CNTFR: variants seen among roughly 807,000 people sequenced by gnomAD.
CNTFR encodes ciliary neurotrophic factor receptor.
In CNTFR, 12 loss-of-function variants were observed where a neutral mutation model predicts 40.4. The observed-to-expected ratio is 0.30, with a 90% confidence interval of 0.19 to 0.48. The LOEUF (loss-of-function observed/expected upper bound fraction) is 0.48. CNTFR is among the 20% of genes least tolerant of loss of function. CNTFR has a pLI of 0.99. For synonymous variants in CNTFR, 202 were observed against 209.6 expected (o/e 0.96, Z 0.31); for missense variants, 414 against 506.8 (o/e 0.82, Z 1.76).
Position 34,551,739 on chromosome 9 carries a change from T to G in CNTFR, c.*332A>C. 7.8e-6 allele frequency: 4 copies of G among 514,656 alleles called. No individual in the cohort carries two copies. Among genetic ancestry groups the G allele is most frequent in the African/African-American group, 2.0e-5 (1 of 50,724 alleles). 31.9% of individuals were successfully genotyped at this position (514,656 alleles called of 1,614,324 possible). The stretch of plus-strand genomic sequence containing the variant: ...CAGGAGGCTGGGGCAGGAGGAGAAA[T>G]CGGATGTGAGAGGCTCCCCTCACGT... On this transcript the variant is annotated 3_prime_UTR_variant, in exon 10 of 10. Transcript: ENST00000378980.
Position 34,552,314 on chromosome 9 carries a change from G to A in CNTFR, c.965C>T (p.Thr322Ile), listed in dbSNP as rs1215172615. The A allele has an allele frequency of 2.6e-5, 40 of 1,539,164 alleles. No individual in the cohort carries two copies. The highest frequency in any genetic ancestry group is 3.3e-5 in the Non-Finnish European group (38 of 1,147,126). ...AGGTGGGGGTGCCAGGGAGCTGGTG[G>A]TGCTGGTCGTGGTCTCTGGGGAACA... ...EAQAAETTTS[T>I]TSSLAPPPTT... The change falls in exon 9 of 10, where the codon ACC becomes ATC. Residue 322 changes from threonine (T) to isoleucine (I), a missense_variant. Transcript: ENST00000378980. This position sits in a 1 kb window ranked among gnomAD's most constrained non-coding sequence, Gnocchi z 5.1.
chr9:34,558,562 C>T (rs193133424), intron 4 of CNTFR, among the ~76,000 whole-genome samples: 1 of 152,308 alleles, frequency 6.6e-6, no homozygotes, highest in Non-Finnish European at 1.5e-5. Context: ...ATACGTGCTA[C>T]ATGCATGTCT....
intron 4 of CNTFR, among the ~76,000 whole-genome samples, chr9:34,560,308 G>A (rs187392180): frequency 8.7e-5 from 13 of 150,276 alleles, no homozygotes; most frequent in Non-Finnish European, 1.5e-4. Context: ...TAACTGTGAG[G>A]CTCCATGTGT....
chr9:34,561,883 T>C (rs2132149652), intron 4 of CNTFR, among the ~76,000 whole-genome samples: 1 of 152,324 alleles, frequency 6.6e-6, no homozygotes, highest in Admixed American at 6.5e-5. Flanking sequence ...GATAAGTACC[T>C]GAAACTAATG....
intron 7 of CNTFR, among the ~76,000 whole-genome samples, chr9:34,555,185 G>A (rs1825786089): frequency 6.6e-6 from 1 of 152,250 alleles, no homozygotes; most frequent in Admixed American, 6.5e-5. Flanking sequence ...TATTAGCAAT[G>A]CATTAGGCGC....
intron 2 of CNTFR, chr9:34,569,645 C>G (rs1261145469): frequency 6.6e-6 from 1 of 152,530 alleles, no homozygotes; most frequent in East Asian, 1.9e-4. Flanking sequence ...CCCTGAGAAG[C>G]TCAGAGCAGT....
rs370280398 is a variant in CNTFR at position 34,564,832 on chromosome 9, T to C, written c.86A>G (p.Glu29Gly). The change falls in exon 4 of 10, where the codon GAG becomes GGG. Residue 29 changes from glutamate (E) to glycine (G), a missense_variant and splice_region_variant. Physicochemically the swap from Glu to Gly is moderately conservative, Grantham distance 98 (BLOSUM62 -2). Around this residue, in one of 3 missense-constraint regions of CNTFR, gnomAD observed 250 missense variants for 269.5 expected, o/e 0.93. Transcript: ENST00000378980. Reference protein sequence around the residue: ...VVYAQRHSPQEAPHVQYERLG... With the variant: ...VVYAQRHSPQGAPHVQYERLG... ...GCGCTCGTACTGCACATGGGGTGCC[T>C]CTGTGGGGGGTGGGGGCACAGGGCA... 2 of 1,612,796 alleles carry C rather than the reference T, an allele frequency of 1.2e-6. No homozygotes were observed. Among genetic ancestry groups the C allele is most frequent in the African/African-American group, 2.7e-5 (2 of 74,878 alleles).
At position 34,573,944 on chromosome 9, in the gene CNTFR, ACAT is replaced by A. The variant is rs1386450492; in HGVS notation, c.1-4966_1-4964del. 2.0e-5 allele frequency among the ~76,000 whole-genome samples: 3 copies of A among 152,362 alleles called. No individual in the cohort carries two copies. In the East Asian group the frequency reaches 5.8e-4, roughly 29 times the overall value. On this transcript the variant is annotated intron_variant, in intron 2 of 9. Coordinates refer to ENST00000378980, the MANE Select transcript of CNTFR (RefSeq NM_147164.3). ...AGCGGGGGCAAAGACAGGGACAAGG[ACAT>A]GGTGGGCAGGGAGGAACAGTACTGG...
upstream of CNTFR, chr9:34,589,986 TG>T (rs1277344086): frequency 6.6e-6 from 1 of 152,312 alleles, no homozygotes; most frequent in African/African-American, 2.4e-5. This position sits in a 1 kb window ranked among gnomAD's most constrained non-coding sequence, Gnocchi z 4.4. Flanking sequence ...CGCGGGCCTG[TG>T]AGCCCCCACT....
At position 34,589,057 on chromosome 9, in the gene CNTFR, GCA is replaced by G. The variant is rs148967904; in HGVS notation, c.-112+496_-112+497del. 0.021 allele frequency among the ~76,000 whole-genome samples: 3,233 copies of G among 152,094 alleles called. 107 individuals carry two copies. Among genetic ancestry groups the G allele is most frequent in the African/African-American group, 0.074 (3,049 of 41,438 alleles). ...TGGGGACGCCGACCGACACACACAT[GCA>G]CACACACACGCGCGCGCGGGCGCGC... On this transcript the variant is annotated intron_variant, in intron 1 of 9. Coordinates refer to ENST00000378980, the MANE Select transcript of CNTFR (RefSeq NM_147164.3). The surrounding 1 kb of genome is among the most constrained non-coding windows in gnomAD (Gnocchi z 4.4).
intron 7 of CNTFR, among the ~76,000 whole-genome samples, chr9:34,553,352 A>G (rs1037558141): frequency 1.3e-5 from 2 of 152,128 alleles, no homozygotes; most frequent in African/African-American, 4.8e-5. Flanking sequence ...ATCCCTTAGT[A>G]GTGAGGTGAC....
intron 2 of CNTFR, among the ~76,000 whole-genome samples, chr9:34,579,554 G>GAT (rs1775064947): frequency 8.6e-5 from 13 of 151,986 alleles, no homozygotes; most frequent in Admixed American, 4.6e-4. Flanking sequence ...CACTGAGGGC[G>GAT]AGGCTCCCAC....
At chr9:34,567,117 G>A (rs1263359977) in intron 3 of CNTFR, among the ~76,000 whole-genome samples, 10 of 152,254 alleles carry the variant, frequency 6.6e-5, no homozygotes, top group South Asian at 4.1e-4. Context: ...CTCTGCTCCC[G>A]CCCCGTGGGT....
At chr9:34,581,504 A>T (rs773582859) in intron 1 of CNTFR, among the ~76,000 whole-genome samples, 11 of 152,224 alleles carry the variant, frequency 7.2e-5, no homozygotes, top group Non-Finnish European at 1.6e-4. Context: ...GCAGACACAC[A>T]GGCACCTCCA....
chr9:34,582,645 G>A (rs1255003667), intron 1 of CNTFR: 2 of 150,610 alleles, frequency 1.3e-5, no homozygotes, highest in African/African-American at 4.9e-5. Flanking sequence ...ACCACCCAGG[G>A]AGAGATAGCC....
intron 4 of CNTFR, among the ~76,000 whole-genome samples, chr9:34,564,188 A>G (rs917692677): frequency 5.9e-5 from 9 of 151,936 alleles, no homozygotes; most frequent in African/African-American, 2.2e-4. Context: ...CTGCATAACC[A>G]CATATCCCAC....
At chr9:34,576,266 C>T (rs1198960984) in intron 2 of CNTFR, among the ~76,000 whole-genome samples, 2 of 152,200 alleles carry the variant, frequency 1.3e-5, no homozygotes, top group African/African-American at 2.4e-5. Context: ...CGCTGGTGTG[C>T]GTGCACACAT....
intron 2 of CNTFR, among the ~76,000 whole-genome samples, chr9:34,574,491 G>A (rs1454304788): frequency 6.6e-6 from 1 of 152,190 alleles, no homozygotes; most frequent in Non-Finnish European, 1.5e-5. Context: ...GCAAGCCTCA[G>A]TCCTCAGGGG....
chr9:34,562,167 C>G (rs946971127), intron 4 of CNTFR, among the ~76,000 whole-genome samples: 1 of 152,196 alleles, frequency 6.6e-6, no homozygotes, highest in African/African-American at 2.4e-5. Context: ...ACTGAGAAGA[C>G]AGGGATGTGG....
Sources: allele counts gnomAD v4.1 joint callset (sites outside exome capture counted in the v4.1 genomes callset), GRCh38; gene constraint gnomAD v4.1.1; regional missense constraint gnomAD v4.1.1; non-coding constraint Gnocchi (gnomAD v3.1); transcripts MANE v1.5; gene names NCBI Gene and HGNC (gene_info 2026-07-23, HGNC 2026-07-21).